Variants in SCFD2 observed in about 807,000 individuals in gnomAD.
SCFD2 encodes sec1 family domain containing 2.
Under a neutral mutation model 58.9 loss-of-function variants are expected in SCFD2, and 54 were observed. The ratio of observed to expected loss-of-function variants is 0.92; its 90% CI spans 0.74 to 1.15. The LOEUF (loss-of-function observed/expected upper bound fraction) is 1.15, where lower values mean the gene tolerates loss of function less well. Among genes scored for constraint, SCFD2 ranks in the 50% most tolerant of loss-of-function variants. The pLI is 0.00. For missense variants in SCFD2, 805 were observed against 836.6 expected (o/e 0.96, Z 0.47); for synonymous variants, 321 against 335.9 (o/e 0.96, Z 0.49).
Position 53,103,561 on chromosome 4 carries a change from A to G in SCFD2, c.1561+41772T>C, listed in dbSNP as rs1481627509. Among the ~76,000 whole-genome samples the G allele has an allele frequency of 4.7e-5, 7 of 147,912 alleles. No homozygotes were observed. The Admixed American group carries it at 4.7e-4, about 10-fold the overall frequency. ...GTTTTTATATATATTATATATAAAT[A>G]TATATATAATTTTCTTGCTCTGTCA... On this transcript the variant is annotated intron_variant, in intron 5 of 8. Transcript: ENST00000401642.
intron 2 of SCFD2, among the ~76,000 whole-genome samples, chr4:53,323,530 A>ATTT (rs1201482656): frequency 0.018 from 1,930 of 106,642 alleles, 57 homozygotes; most frequent in African/African-American, 0.043. Flanking sequence ...TGCCCAGCTA[A>ATTT]TTTTTTTTTT....
chr4:53,310,289 ATC>A (rs1732652196), intron 3 of SCFD2, among the ~76,000 whole-genome samples: 1 of 152,232 alleles, frequency 6.6e-6, no homozygotes, highest in South Asian at 2.1e-4. Context: ...TCATAAAGAT[ATC>A]TGTTTTACTT....
intron 5 of SCFD2, among the ~76,000 whole-genome samples, chr4:52,972,875 G>A (rs1577870871): frequency 6.6e-6 from 1 of 152,248 alleles, no homozygotes; most frequent in East Asian, 1.9e-4. Context: ...ACTCAAAACT[G>A]CTCAACTACA....
chr4:53,313,834 T>C, intron 2 of SCFD2, 71 bp from the exon 3 acceptor site: 1 of 1,449,970 alleles, frequency 6.9e-7, no homozygotes, highest in Non-Finnish European at 9.6e-7. Context: ...GAAAGCAAAA[T>C]ACTTTTTAAA....
At chr4:53,200,642 A>C (rs1728201984) in intron 4 of SCFD2, among the ~76,000 whole-genome samples, 1 of 152,076 alleles carries the variant, frequency 6.6e-6, no homozygotes, top group Non-Finnish European at 1.5e-5. Flanking sequence ...TAACTGAAAA[A>C]ACTTTTCCTC....
At position 53,152,625 on chromosome 4, in the gene SCFD2, C is replaced by T. The variant is rs1479154534; in HGVS notation, c.1312-7043G>A. On this transcript the variant is annotated intron_variant, in intron 4 of 8. Coordinates refer to ENST00000401642, the MANE Select transcript of SCFD2 (RefSeq NM_152540.4). ...ATGGCCTCCTCAAATCTCATGTCCT[C>T]GCAATAAAAAATACAGTCATCCCCT... is the stretch of plus-strand genomic sequence containing the variant. Among the ~76,000 whole-genome samples the T allele has an allele frequency of 3.9e-5, 6 of 152,134 alleles. No individual in the cohort carries two copies. In the East Asian group the frequency reaches 7.7e-4, roughly 20 times the overall value.
At chr4:52,900,637 G>A (rs551872573) in intron 7 of SCFD2, among the ~76,000 whole-genome samples, 281 of 152,332 alleles carry the variant, frequency 1.8e-3, no homozygotes, top group Admixed American at 5.2e-3. Context: ...CTCAAGCTGC[G>A]TGCTGGGAGA....
intron 4 of SCFD2, among the ~76,000 whole-genome samples, chr4:53,266,003 G>A (rs1040786164): frequency 1.3e-5 from 2 of 151,910 alleles, no homozygotes; most frequent in African/African-American, 2.4e-5. Context: ...CCTCAGGATT[G>A]CAGGTGTGAG....
chr4:53,338,575 C>CTTTCTTTTTTTTTTT (rs1733752478), intron 2 of SCFD2, among the ~76,000 whole-genome samples: 1 of 72,296 alleles, frequency 1.4e-5, no homozygotes, highest in Non-Finnish European at 2.5e-5. Flanking sequence ...GTATATTTTT[C>CTTTCTTTTTTTTTTT]TTTTTTTTTT....
At chr4:52,944,847 C>G (rs1720384299) in intron 5 of SCFD2, among the ~76,000 whole-genome samples, 1 of 152,158 alleles carries the variant, frequency 6.6e-6, no homozygotes, top group South Asian at 2.1e-4. Context: ...GAAGTCCCCT[C>G]CCTGGAGTCA....
intron 5 of SCFD2, among the ~76,000 whole-genome samples, chr4:53,112,061 A>G (rs1178834255): frequency 1.3e-5 from 2 of 152,142 alleles, no homozygotes; most frequent in Non-Finnish European, 2.9e-5. Context: ...AGTTTCATTG[A>G]CCTGTGGATA....
intron 4 of SCFD2, among the ~76,000 whole-genome samples, chr4:53,219,440 G>A (rs1341264430): frequency 3.9e-5 from 6 of 152,328 alleles, no homozygotes; most frequent in South Asian, 2.1e-4. Flanking sequence ...TGAGCCATGC[G>A]TGGGATATAA....
intron 2 of SCFD2, among the ~76,000 whole-genome samples, chr4:53,329,959 A>G (rs200856397): frequency 0.12 from 18,721 of 151,330 alleles, 1,154 homozygotes; most frequent in East Asian, 0.2. Context: ...CAGAAGCCTC[A>G]GGAGCTGATG....
chr4:53,301,772 C>A (rs1193245651), intron 3 of SCFD2, among the ~76,000 whole-genome samples: 8 of 152,166 alleles, frequency 5.3e-5, no homozygotes, highest in Admixed American at 2.0e-4. Context: ...TGGGCTTCAT[C>A]CCTGGGATGC....
intron 3 of SCFD2, among the ~76,000 whole-genome samples, chr4:53,307,548 A>G (rs1237454377): frequency 6.6e-6 from 1 of 152,242 alleles, no homozygotes; most frequent in East Asian, 1.9e-4. Context: ...CACCAGTGAC[A>G]TGAACAGAGA....
chr4:53,088,627 T>C (rs1322943929), intron 5 of SCFD2, among the ~76,000 whole-genome samples: 3 of 152,176 alleles, frequency 2.0e-5, no homozygotes, highest in Non-Finnish European at 4.4e-5. Flanking sequence ...TATGGCTTAT[T>C]TGGTTTCACA....
chr4:53,304,056 A>G (rs1432666422), intron 3 of SCFD2, among the ~76,000 whole-genome samples: 2 of 151,854 alleles, frequency 1.3e-5, no homozygotes, highest in East Asian at 3.9e-4. Flanking sequence ...TATATATGTA[A>G]CAAACCTGCA....
intron 5 of SCFD2, among the ~76,000 whole-genome samples, chr4:52,987,655 G>A (rs1721526190): frequency 6.6e-6 from 1 of 152,186 alleles, no homozygotes; most frequent in African/African-American, 2.4e-5. Flanking sequence ...CAGAATATGT[G>A]ATAAGTTCTT....
chr4:52,923,489 T>TAAAG (rs1719791521), intron 5 of SCFD2, among the ~76,000 whole-genome samples: 1 of 149,058 alleles, frequency 6.7e-6, no homozygotes, highest in South Asian at 2.1e-4. Context: ...AATAAATAAA[T>TAAAG]AAATAAATAA....
Sources: allele counts gnomAD v4.1 joint callset (sites outside exome capture counted in the v4.1 genomes callset), GRCh38; gene constraint gnomAD v4.1.1; transcripts MANE v1.5; gene names NCBI Gene and HGNC (gene_info 2026-07-23, HGNC 2026-07-21).